Variants in CFAP47 observed in about 807,000 individuals in gnomAD.
The protein encoded by CFAP47 is cilia- and flagella-associated protein 47.
A neutral mutation model predicts 148.1 loss-of-function variants in CFAP47; 29 were observed. The ratio of observed to expected loss-of-function variants is 0.20; its 90% CI spans 0.15 to 0.27. CFAP47 has a LOEUF of 0.27. CFAP47 is among the 10% of genes least tolerant of loss of function. The probability of loss-of-function intolerance (pLI) is 1.00; values close to 1 mark genes in which losing one functional copy is unlikely to be tolerated. For missense variants in CFAP47, 1,872 were observed against 1,697.5 expected (o/e 1.10, Z -1.81); for synonymous variants, 664 against 577.3 (o/e 1.15, Z -2.15).
At chrX:36,367,373 T>C (rs1667394423) in intron 62 of CFAP47, among the ~76,000 whole-genome samples, 1 of 112,226 alleles carries the variant, frequency 8.9e-6, no homozygotes, top group Non-Finnish European at 1.9e-5. Context: ...AGGATACTAT[T>C]AATATTTCCA....
chrX:36,103,518 A>AAC lies in CFAP47; in HGVS notation c.5128-980_5128-979insCA, dbSNP rs1180987993. Among the ~76,000 whole-genome samples, 6 of 102,803 alleles carry AAC rather than the reference A, an allele frequency of 5.8e-5. No homozygotes were observed. The East Asian group carries it at 1.9e-3, about 32-fold the overall frequency. The allele number at this position is 102,803 out of a possible 115,157, so 89.3% of individuals were successfully genotyped here. Reference sequence around the variant, plus strand: ...ATATGCCAGAAAAAAAAAAAAAAAAAAAAAAAAAAAACATCCCTCAAGCAG... The same window carrying AAC: ...ATATGCCAGAAAAAAAAAAAAAAAAAACAAAAAAAAAAACATCCCTCAAGCAG... On this transcript the variant is annotated intron_variant, in intron 32 of 63. Transcript: ENST00000378653.
intron 8 of CFAP47, among the ~76,000 whole-genome samples, chrX:35,965,039 G>A (rs1936382801): frequency 1.8e-5 from 2 of 111,409 alleles, no homozygotes; most frequent in African/African-American, 6.5e-5. Context: ...TGGGTGTCTC[G>A]TATTTTTTTC....
At chrX:36,375,114 T>C in intron 62 of CFAP47, 4 of 362,816 alleles carry the variant, frequency 1.1e-5, no homozygotes, top group South Asian at 9.1e-5. Flanking sequence ...AATAAGAACC[T>C]GGCGTTTGCC....
At chrX:35,972,680 CGTG>C (rs1054533636) in intron 13 of CFAP47, among the ~76,000 whole-genome samples, 2 of 111,875 alleles carry the variant, frequency 1.8e-5, no homozygotes, top group African/African-American at 6.5e-5. Context: ...GGTTCACCCA[CGTG>C]GTAGGTAGTA....
chrX:36,380,734 C>T (rs1226050939), intron 63 of CFAP47, among the ~76,000 whole-genome samples: 2 of 112,735 alleles, frequency 1.8e-5, no homozygotes, highest in Non-Finnish European at 3.8e-5. Flanking sequence ...TGAGCCACCA[C>T]GCCCAGCCTT....
At chrX:36,124,942 A>G (rs950285476) in intron 33 of CFAP47, among the ~76,000 whole-genome samples, 4 of 111,601 alleles carry the variant, frequency 3.6e-5, no homozygotes, top group Admixed American at 1.9e-4. Flanking sequence ...CAATGAATGT[A>G]TATAATAGAA....
At chrX:36,175,277 G>A (rs1020517609) in intron 39 of CFAP47, among the ~76,000 whole-genome samples, 13 of 111,766 alleles carry the variant, frequency 1.2e-4, no homozygotes, top group Non-Finnish European at 1.9e-4. Flanking sequence ...CAATTTGATC[G>A]TCTGAAGCCT....
intron 33 of CFAP47, among the ~76,000 whole-genome samples, chrX:36,109,488 T>G (rs1938518752): frequency 9.0e-6 from 1 of 111,246 alleles, no homozygotes; most frequent in African/African-American, 3.3e-5. Context: ...TTATTTTTTA[T>G]TTTTTTGAGA....
chrX:36,233,770 G>C (rs868923095), intron 46 of CFAP47, among the ~76,000 whole-genome samples: 3 of 110,872 alleles, frequency 2.7e-5, no homozygotes, highest in Non-Finnish European at 5.7e-5. Context: ...TCCTTTCCAT[G>C]TTTAGCGCTT....
Position 35,950,828 on chromosome X carries a change from C to T in CFAP47, c.657-303C>T, listed in dbSNP as rs985118498. Among the ~76,000 whole-genome samples, 3 of 111,635 alleles carry T rather than the reference C, an allele frequency of 2.7e-5. No homozygotes were observed. The Admixed American group carries it at 2.9e-4, about 11-fold the overall frequency. ...CCATACAAATCATTTAAATAATTGG[C>T]AATATGAATATGCCATTGAGTTTTT... On this transcript the variant is annotated intron_variant, in intron 4 of 63. Coordinates refer to ENST00000378653, the MANE Select transcript of CFAP47 (RefSeq NM_001304548.2).
chrX:36,223,460 A>T (rs191618756), intron 45 of CFAP47, among the ~76,000 whole-genome samples: 2,172 of 110,815 alleles, frequency 0.02, 56 homozygotes, highest in African/African-American at 0.068. Flanking sequence ...ATAATTATTC[A>T]TTCTTAATTA....
chrX:36,059,954 G>A (rs1937581320), intron 26 of CFAP47, among the ~76,000 whole-genome samples: 4 of 110,828 alleles, frequency 3.6e-5, no homozygotes, highest in Non-Finnish European at 5.7e-5. Context: ...AAGGAGCCTA[G>A]CACCTCACTC....
At chrX:36,174,529 G>T (rs1346749232) in intron 39 of CFAP47, among the ~76,000 whole-genome samples, 3 of 109,356 alleles carry the variant, frequency 2.7e-5, no homozygotes, top group Admixed American at 9.7e-5. Flanking sequence ...TTGCTTGTCT[G>T]TAAAGGATTT....
intron 13 of CFAP47, 37 bp from the exon 14 acceptor site, chrX:35,975,110 C>A: frequency 2.3e-6 from 2 of 876,512 alleles, no homozygotes; most frequent in Non-Finnish European, 3.1e-6. Context: ...CATTTGCCAT[C>A]TTTAAACTTA....
Position 36,087,013 on chromosome X carries a change from G to A in CFAP47, c.4916+1475G>A, listed in dbSNP as rs1938100433. Reference sequence around the variant, plus strand: ...CAGCAGCATATGCCCACATGACACAGACATTTCAGGCAGAGAAGAGGCACA... The same window carrying A: ...CAGCAGCATATGCCCACATGACACAAACATTTCAGGCAGAGAAGAGGCACA... On this transcript the variant is annotated intron_variant, in intron 30 of 63. Transcript: ENST00000378653. Among the ~76,000 whole-genome samples, 7 of 111,607 alleles carry A rather than the reference G, an allele frequency of 6.3e-5. No homozygotes were observed. In the South Asian group the frequency reaches 2.6e-3, roughly 42 times the overall value.
chrX:35,980,039 T>C (rs1936621552), intron 15 of CFAP47, among the ~76,000 whole-genome samples: 1 of 111,595 alleles, frequency 9.0e-6, no homozygotes, highest in Non-Finnish European at 1.9e-5. Context: ...AATGTACACC[T>C]AAAATCTGCT....
chrX:36,102,008 T>C (rs1190995381), intron 32 of CFAP47, among the ~76,000 whole-genome samples: 2 of 111,577 alleles, frequency 1.8e-5, no homozygotes, highest in Non-Finnish European at 3.8e-5. Context: ...AGTTTTGTCA[T>C]TGTTGTTCTG....
At chrX:36,294,894 C>T (rs1556006242) in intron 51 of CFAP47, among the ~76,000 whole-genome samples, 1 of 110,942 alleles carries the variant, frequency 9.0e-6, no homozygotes, top group African/African-American at 3.3e-5. Context: ...AAGAGTATTC[C>T]TCTTCTACAT....
rs749858009 is a variant in CFAP47, at chrX:36,044,361, C to A, written c.4008-2493C>A. 4.4e-5 allele frequency among the ~76,000 whole-genome samples: 5 copies of A among 112,938 alleles called. No individual in the cohort carries two copies. In the South Asian group the frequency reaches 1.4e-3, roughly 32 times the overall value. ...ACCACATGGTCAGGCTGCAAATTTT[C>A]GAAACCTTTATGCTCTTATTCCCTT... On this transcript the variant is annotated intron_variant, in intron 25 of 63. Coordinates refer to ENST00000378653, the MANE Select transcript of CFAP47 (RefSeq NM_001304548.2).
Sources: gnomAD v4.1 joint callset for allele counts (sites outside exome capture counted in the v4.1 genomes callset) on GRCh38, gnomAD v4.1.1 for gene constraint, MANE v1.5 for transcripts, NCBI Gene and HGNC (gene_info 2026-07-23, HGNC 2026-07-21) for gene names.